Variants in DNAI3 observed in about 807,000 individuals in gnomAD.
DNAI3 encodes the protein WD repeat domain 63.
In DNAI3, 83 loss-of-function variants were observed where a neutral mutation model predicts 115.5. That is an observed-to-expected ratio of 0.72 (90% confidence interval 0.60 to 0.86). The LOEUF is 0.86. Ranked by LOEUF, DNAI3 falls within the 40% of genes least tolerant of loss-of-function variation. The probability of loss-of-function intolerance (pLI) is 0.00; values close to 1 mark genes in which losing one functional copy is unlikely to be tolerated. For synonymous variants in DNAI3, 320 were observed against 347.0 expected (o/e 0.92, Z 0.86); for missense variants, 1,004 against 1,075.8 (o/e 0.93, Z 0.93).
At chr1:85,128,506 G>A (rs1463284460) in intron 20 of DNAI3, among the ~76,000 whole-genome samples, 2 of 152,140 alleles carry the variant, frequency 1.3e-5, no homozygotes, top group Admixed American at 6.5e-5. Flanking sequence ...CTCAGTCTTA[G>A]CTTTCATTTC....
chr1:85,073,709 C>T (rs890539396), intron 3 of DNAI3, among the ~76,000 whole-genome samples: 2 of 152,090 alleles, frequency 1.3e-5, no homozygotes, highest in Non-Finnish European at 2.9e-5. Context: ...GTCTTTTAAT[C>T]GTATGGAATG....
intron 5 of DNAI3, among the ~76,000 whole-genome samples, chr1:85,083,965 C>T (rs1654708913): frequency 6.6e-6 from 1 of 151,490 alleles, no homozygotes; most frequent in Admixed American, 6.6e-5. Context: ...TCATTTTTCA[C>T]CAAATTATAA....
chr1:85,129,237 C>CG (rs1553168417), intron 21 of DNAI3, among the ~76,000 whole-genome samples: 1,602 of 152,136 alleles, frequency 0.011, 17 homozygotes, highest in Admixed American at 0.019. Context: ...CTGCACCCCC[C>CG]ACACTGTACC....
At chr1:85,132,722 T>A in intron 22 of DNAI3, 133 bp from the exon 23 acceptor site, 16 of 1,031,280 alleles carry the variant, frequency 1.6e-5, no homozygotes, top group East Asian at 3.3e-5. Flanking sequence ...CCCTCCTGCC[T>A]TCCTGCCCTC....
chr1:85,123,710 T>G (rs373987852), intron 18 of DNAI3, among the ~76,000 whole-genome samples: 29 of 152,364 alleles, frequency 1.9e-4, no homozygotes, highest in Middle Eastern at 3.4e-3. Flanking sequence ...TACTTTGGGA[T>G]GTGTTTATTG....
intron 16 of DNAI3, among the ~76,000 whole-genome samples, chr1:85,110,804 A>G (rs1012972959): frequency 2.6e-5 from 4 of 152,194 alleles, no homozygotes; most frequent in Admixed American, 2.6e-4. Flanking sequence ...GTCTAGTAAA[A>G]TAAGTTATGA....
At chr1:85,089,942 T>G (rs1358221578) in intron 7 of DNAI3, among the ~76,000 whole-genome samples, 174 bp from the exon 8 acceptor site, 1 of 152,192 alleles carries the variant, frequency 6.6e-6, no homozygotes, top group East Asian at 1.9e-4. Context: ...ATGTAGCCTT[T>G]GAATAGTGGT....
At chr1:85,103,429 A>T (rs2100591922) in intron 13 of DNAI3, among the ~76,000 whole-genome samples, 1 of 152,188 alleles carries the variant, frequency 6.6e-6, no homozygotes, top group Admixed American at 6.5e-5. Flanking sequence ...TTGGCGTCTC[A>T]TTTAACACTT....
chr1:85,094,146 C>A, intron 9 of DNAI3: 1 of 438,986 alleles, frequency 2.3e-6, no homozygotes, highest in Non-Finnish European at 4.2e-6. Flanking sequence ...CCTTTTCTCA[C>A]AAAAAAGAAA....
At chr1:85,079,672 G>A (rs1241871588) in intron 3 of DNAI3, among the ~76,000 whole-genome samples, 21 of 152,240 alleles carry the variant, frequency 1.4e-4, no homozygotes, top group Middle Eastern at 3.4e-3. Flanking sequence ...AAAAAAACAG[G>A]AAGAAGGCTT....
Position 85,090,223 on chromosome 1 carries a change from C to A in DNAI3, c.848C>A (p.Ala283Glu). 1 of 1,549,520 alleles carries A rather than the reference C, an allele frequency of 6.5e-7. No individual in the cohort carries two copies. The highest frequency in any genetic ancestry group is 8.7e-7 in the Non-Finnish European group (1 of 1,146,808). The change falls in exon 8 of 23, where the codon GCA becomes GAA. Residue 283 changes from alanine to glutamate, a missense_variant. Physicochemically the swap from Ala to Glu is moderately radical, Grantham distance 107 (BLOSUM62 -1). Transcript: ENST00000294664. ...CCTTTGGTTGATTTTCTTAACAATG[C>A]ATCCATAAGGTAAAAAATTGCATAT... is the stretch of plus-strand genomic sequence containing the variant. ...SKPLVDFLNNASISVEIALQQ... is the reference protein window; with the variant it reads ...SKPLVDFLNNESISVEIALQQ...
At chr1:85,074,740 C>G (rs2100559281) in intron 3 of DNAI3, among the ~76,000 whole-genome samples, 1 of 152,308 alleles carries the variant, frequency 6.6e-6, no homozygotes, top group South Asian at 2.1e-4. Flanking sequence ...AGGGGAAACA[C>G]AGGGTTAGGT....
At position 85,126,601 on chromosome 1, in the gene DNAI3, C is replaced by G. The variant is rs369479109; in HGVS notation, c.2203C>G (p.Arg735Gly). The G allele has an allele frequency of 6.2e-7, 1 of 1,614,038 alleles. No individual in the cohort carries two copies. Among genetic ancestry groups the G allele is most frequent in the Non-Finnish European group, 8.5e-7 (1 of 1,179,976 alleles). ...TCGGCCCGGAGTTTTCTACATCGGC[C>G]GAGAAGATGGATACATTGATATCTG... The part of the protein sequence containing the change: ...LTRPGVFYIG[R>G]EDGYIDIWDL... Residue 735 changes from arginine to glycine, a missense_variant, in exon 20 of 23, where the codon CGA (arginine) becomes GGA (glycine). This residue lies in a region of DNAI3 where 429 missense variants were observed against 454.3 expected (regional missense o/e 0.94). Transcript: ENST00000294664.
rs569338828 is a variant in DNAI3 at position 85,121,984 on chromosome 1, G to T, written c.1981+170G>T. Among the ~76,000 whole-genome samples the T allele has an allele frequency of 3.5e-4, 53 of 152,274 alleles. 3 individuals are homozygous for T. In the South Asian group the frequency reaches 0.011, roughly 32 times the overall value. The stretch of plus-strand genomic sequence containing the variant: ...TGAATAAGCAGCATAGTCATCACCT[G>T]GGAACTTGCTGAAAATACACATAAA... On this transcript the variant is annotated intron_variant, in intron 18 of 22. Coordinates refer to ENST00000294664, the MANE Select transcript of DNAI3 (RefSeq NM_145172.5).
intron 13 of DNAI3, among the ~76,000 whole-genome samples, chr1:85,103,394 T>TA (rs1454331625): frequency 6.6e-6 from 1 of 152,090 alleles, no homozygotes; most frequent in Non-Finnish European, 1.5e-5. Context: ...GGTCAGGTCT[T>TA]ACAACAGTCA....
At chr1:85,107,680 A>G (rs761456410) in intron 14 of DNAI3, among the ~76,000 whole-genome samples, 1 of 152,160 alleles carries the variant, frequency 6.6e-6, no homozygotes, top group Non-Finnish European at 1.5e-5. Flanking sequence ...GATTGTGGTG[A>G]TGGCTTCCCA....
chr1:85,075,515 C>T (rs1654425092), intron 3 of DNAI3, among the ~76,000 whole-genome samples: 1 of 152,154 alleles, frequency 6.6e-6, no homozygotes, highest in Non-Finnish European at 1.5e-5. Flanking sequence ...CCCCCAGACT[C>T]CCCTCAGGTA....
intron 21 of DNAI3, among the ~76,000 whole-genome samples, chr1:85,129,143 T>C (rs933173001): frequency 6.6e-6 from 1 of 152,082 alleles, no homozygotes; most frequent in Non-Finnish European, 1.5e-5. Flanking sequence ...GTTGACATGT[T>C]CATGCATCTC....
At chr1:85,132,764 G>T in intron 22 of DNAI3, 91 bp from the exon 23 acceptor site, 2 of 1,496,984 alleles carry the variant, frequency 1.3e-6, no homozygotes, top group Non-Finnish European at 1.8e-6. Flanking sequence ...CAGCAGCCAG[G>T]TCAACTATTC....
Sources: gnomAD v4.1 joint callset for allele counts (sites outside exome capture counted in the v4.1 genomes callset) on GRCh38, gnomAD v4.1.1 for gene constraint, gnomAD v4.1.1 regional missense constraint, MANE v1.5 for transcripts, NCBI Gene and HGNC (gene_info 2026-07-23, HGNC 2026-07-21) for gene names.